The following EXOC4 variants were observed in gnomAD, a reference collection of about 807,000 sequenced individuals.
The protein encoded by EXOC4 is SEC8-like 1.
In EXOC4, 71 loss-of-function variants were observed where a neutral mutation model predicts 107.2. The ratio of observed to expected loss-of-function variants is 0.66; its 90% CI spans 0.55 to 0.81. The LOEUF (loss-of-function observed/expected upper bound fraction) is 0.81, where lower values mean the gene tolerates loss of function less well. EXOC4 is among the 30% of genes least tolerant of loss of function. EXOC4 has a pLI of 0.00. For synonymous variants in EXOC4, 456 were observed against 441.2 expected (o/e 1.03, Z -0.42); for missense variants, 1,108 against 1,189.6 (o/e 0.93, Z 1.01).
At chr7:133,671,810 C>T (rs1309663783) in intron 10 of EXOC4, among the ~76,000 whole-genome samples, 1 of 152,052 alleles carries the variant, frequency 6.6e-6, no homozygotes, top group Non-Finnish European at 1.5e-5. Flanking sequence ...ACTTAAGTAA[C>T]AGCACAATGG....
rs1195402243 is a variant in EXOC4 at position 134,038,462 on chromosome 7, G to A, written c.2688-25829G>A. 3.9e-5 allele frequency among the ~76,000 whole-genome samples: 6 copies of A among 152,246 alleles called. No individual in the cohort carries two copies. The East Asian group carries it at 1.2e-3, about 29-fold the overall frequency. ...GTAGTCAGATATTCAGGGATTGTTGGACTCTCGTTTCTTTTATATATCCTT... is the reference window on the plus strand; with the variant it reads ...GTAGTCAGATATTCAGGGATTGTTGAACTCTCGTTTCTTTTATATATCCTT... On this transcript the variant is annotated intron_variant, in intron 17 of 17. Transcript: ENST00000253861.
At chr7:133,255,486 AC>A (rs1376348250) in intron 1 of EXOC4, among the ~76,000 whole-genome samples, 1 of 152,050 alleles carries the variant, frequency 6.6e-6, no homozygotes, top group East Asian at 1.9e-4. Flanking sequence ...TCATTTTTCT[AC>A]TTTATCCTTG....
chr7:133,813,721 C>T (rs1797293454), intron 10 of EXOC4, among the ~76,000 whole-genome samples: 1 of 152,096 alleles, frequency 6.6e-6, no homozygotes, highest in South Asian at 2.1e-4. Context: ...TTTTATTTTT[C>T]TTTCACATTG....
intron 13 of EXOC4, among the ~76,000 whole-genome samples, chr7:133,932,571 T>C (rs187967230): frequency 2.0e-4 from 30 of 152,318 alleles, no homozygotes; most frequent in African/African-American, 7.0e-4. Flanking sequence ...TCTCCAAATA[T>C]ATACACACAT....
intron 17 of EXOC4, among the ~76,000 whole-genome samples, chr7:134,034,205 A>G (rs1260753112): frequency 6.6e-6 from 1 of 152,218 alleles, no homozygotes; most frequent in Non-Finnish European, 1.5e-5. Flanking sequence ...AAAAGACTCA[A>G]GAAAATAGGT....
At chr7:133,479,917 T>A in intron 8 of EXOC4, 133 bp from the exon 9 acceptor site, 1 of 739,860 alleles carries the variant, frequency 1.4e-6, no homozygotes, top group Non-Finnish European at 2.4e-6. Flanking sequence ...TGTCATGGTA[T>A]AGCCAAAGTG....
chr7:134,027,680 G>A (rs1357547589), intron 17 of EXOC4, among the ~76,000 whole-genome samples: 2 of 148,894 alleles, frequency 1.3e-5, no homozygotes, highest in Admixed American at 1.4e-4. Flanking sequence ...AAAGGAATTG[G>A]CTGAGCTGAC....
At chr7:134,039,261 C>T (rs971253651) in intron 17 of EXOC4, among the ~76,000 whole-genome samples, 1 of 152,042 alleles carries the variant, frequency 6.6e-6, no homozygotes, top group Non-Finnish European at 1.5e-5. Flanking sequence ...ACTTGGAGTG[C>T]ATGATAAAGC....
At chr7:133,481,697 G>C (rs1361870328) in intron 9 of EXOC4, among the ~76,000 whole-genome samples, 3 of 152,170 alleles carry the variant, frequency 2.0e-5, no homozygotes, top group African/African-American at 7.2e-5. Flanking sequence ...ATTAGGAAGA[G>C]GAGATTAGCC....
At chr7:133,749,955 G>GTTTTTTTT (rs56902982) in intron 10 of EXOC4, among the ~76,000 whole-genome samples, 2 of 62,100 alleles carry the variant, frequency 3.2e-5, no homozygotes, top group Non-Finnish European at 5.9e-5. Flanking sequence ...GTGGTTGGCA[G>GTTTTTTTT]TTTTTTTTTT....
At chr7:133,727,557 A>C (rs1411060614) in intron 10 of EXOC4, 1 of 153,976 alleles carries the variant, frequency 6.5e-6, no homozygotes, top group South Asian at 2.0e-4. Context: ...CTTTGGGGTT[A>C]GTATGTTGTA....
chr7:133,526,765 A>T (rs1800086602), intron 9 of EXOC4, among the ~76,000 whole-genome samples: 1 of 152,088 alleles, frequency 6.6e-6, no homozygotes. Flanking sequence ...AGGTCAAGAG[A>T]TCGAGACCAT....
At chr7:133,758,016 G>A in intron 10 of EXOC4, among the ~76,000 whole-genome samples, 1 of 152,118 alleles carries the variant, frequency 6.6e-6, no homozygotes, top group East Asian at 1.9e-4. Flanking sequence ...TTTATTTTTT[G>A]TTCAGTTGGG....
At chr7:133,461,961 G>A (rs1176046864) in intron 7 of EXOC4, among the ~76,000 whole-genome samples, 1 of 152,156 alleles carries the variant, frequency 6.6e-6, no homozygotes, top group African/African-American at 2.4e-5. Flanking sequence ...AGATATCATA[G>A]TTGACAGTCG....
intron 9 of EXOC4, among the ~76,000 whole-genome samples, chr7:133,553,161 CAAAT>C (rs1800623883): frequency 1.3e-5 from 2 of 152,154 alleles, no homozygotes; most frequent in South Asian, 4.2e-4. Flanking sequence ...TTATGAGAAT[CAAAT>C]AAGATAATGG....
chr7:133,619,381 T>G (rs989976459), intron 9 of EXOC4, among the ~76,000 whole-genome samples: 2 of 152,230 alleles, frequency 1.3e-5, no homozygotes, highest in Admixed American at 1.3e-4. Context: ...TGACAGCATT[T>G]AAACAACACT....
chr7:133,802,428 C>T (rs1378594962), intron 10 of EXOC4, among the ~76,000 whole-genome samples: 2 of 152,098 alleles, frequency 1.3e-5, no homozygotes, highest in Admixed American at 1.3e-4. Flanking sequence ...TACATATGGT[C>T]AGTAAATGTT....
intron 7 of EXOC4, among the ~76,000 whole-genome samples, chr7:133,377,753 C>A (rs1796521403): frequency 6.6e-6 from 1 of 152,024 alleles, no homozygotes. Context: ...AGAAAAAATT[C>A]TTAAAAATAG....
At chr7:133,936,296 T>C (rs908241019) in intron 13 of EXOC4, among the ~76,000 whole-genome samples, 3 of 152,244 alleles carry the variant, frequency 2.0e-5, no homozygotes, top group African/African-American at 7.2e-5. Context: ...GACTCATTAC[T>C]TGGTAGGATA....
Sources: gnomAD v4.1 joint callset for allele counts (sites outside exome capture counted in the v4.1 genomes callset) on GRCh38, gnomAD v4.1.1 for gene constraint, MANE v1.5 for transcripts, NCBI Gene and HGNC (gene_info 2026-07-23, HGNC 2026-07-21) for gene names.